SHC4: variants seen among roughly 807,000 people sequenced by gnomAD.
SHC4 encodes the protein SHC adaptor protein 4.
A neutral mutation model predicts 69.4 loss-of-function variants in SHC4; 41 were observed. That is an observed-to-expected ratio of 0.59 (90% CI 0.46 to 0.77). The LOEUF (loss-of-function observed/expected upper bound fraction) is 0.77, where lower values mean the gene tolerates loss of function less well. SHC4 is among the 30% of genes least tolerant of loss of function. SHC4 has a pLI of 0.00. For missense variants in SHC4, 777 were observed against 783.8 expected, an observed-to-expected ratio of 0.99 and a Z score of 0.10; for synonymous variants, 318 against 299.3, an observed-to-expected ratio of 1.06 and a Z score of -0.64.
At chr15:48,893,192 G>T (rs557154924) in intron 2 of SHC4, among the ~76,000 whole-genome samples, 5 of 152,230 alleles carry the variant, frequency 3.3e-5, no homozygotes, top group South Asian at 2.1e-4. Context: ...AACCTTCCTG[G>T]CAGGGAGGGG....
intron 4 of SHC4, chr15:48,877,962 A>G: frequency 3.8e-6 from 2 of 519,510 alleles, no homozygotes; most frequent in Non-Finnish European, 3.3e-6. Flanking sequence ...GTTCGAATCG[A>G]TGGAAACGTA....
At chr15:48,904,924 A>G (rs890062807) in intron 2 of SHC4, among the ~76,000 whole-genome samples, 1 of 142,110 alleles carries the variant, frequency 7.0e-6, no homozygotes, top group Non-Finnish European at 1.5e-5. Flanking sequence ...ACGCACACAC[A>G]CACACACACA....
intron 4 of SHC4, chr15:48,876,680 G>A: frequency 1.6e-6 from 1 of 617,422 alleles, no homozygotes. Flanking sequence ...GAAAGATTTA[G>A]GCTGGGAGGC....
In SHC4 at chr15:48,868,150, G is replaced by T. The variant is rs576727724; in HGVS notation, c.895-281C>A. ...AAAAGAGAAAGCAGATAGGGAACATGTTAGGACATATTCTTTAAAACTGGC... is the reference window on the plus strand; with the variant it reads ...AAAAGAGAAAGCAGATAGGGAACATTTTAGGACATATTCTTTAAAACTGGC... On this transcript the variant is annotated intron_variant, in intron 5 of 11. Coordinates refer to ENST00000332408, the MANE Select transcript of SHC4 (RefSeq NM_203349.4). Among the ~76,000 whole-genome samples, 4 of 152,316 alleles carry T rather than the reference G, an allele frequency of 2.6e-5. No homozygotes were observed. The East Asian group carries it at 5.8e-4, about 22-fold the overall frequency.
chr15:48,952,087 G>A (rs1271118317), intron 1 of SHC4, among the ~76,000 whole-genome samples: 1 of 152,140 alleles, frequency 6.6e-6, no homozygotes, highest in Non-Finnish European at 1.5e-5. Flanking sequence ...CTGAGTCCAG[G>A]GTTAAAGGAA....
At chr15:48,956,261 CAGAA>C (rs1349907494) in intron 1 of SHC4, among the ~76,000 whole-genome samples, 1 of 152,132 alleles carries the variant, frequency 6.6e-6, no homozygotes, top group African/African-American at 2.4e-5. Context: ...TTTACAAAGG[CAGAA>C]AGCCATGTTT....
At chr15:48,959,547 T>C (rs930041956) in intron 1 of SHC4, among the ~76,000 whole-genome samples, 20 of 152,306 alleles carry the variant, frequency 1.3e-4, no homozygotes, top group African/African-American at 4.8e-4. Context: ...AGGTAGAATA[T>C]GAAGTGGCTT....
chr15:48,920,780 TATA>T (rs1900738087), intron 2 of SHC4, among the ~76,000 whole-genome samples: 1 of 152,124 alleles, frequency 6.6e-6, no homozygotes, highest in South Asian at 2.1e-4. Context: ...CAGCATTACT[TATA>T]ATGATGAAAA....
rs1901582338 is a variant in SHC4 at position 48,963,480 on chromosome 15, C to T, written c.-465G>A. The T allele has an allele frequency of 6.1e-6, 1 of 164,620 alleles. No homozygotes were observed. The highest frequency in any genetic ancestry group is 2.4e-5 in the African/African-American group (1 of 41,866). The allele number at this position is 164,620 out of a possible 1,614,324, so 10.2% of individuals were successfully genotyped here. A position where few individuals can be genotyped will look rare whatever the true frequency, so the allele number is the denominator to read the frequency against. On this transcript the variant is annotated 5_prime_UTR_variant, in exon 1 of 12. Coordinates refer to ENST00000332408, the MANE Select transcript of SHC4 (RefSeq NM_203349.4). ...ACTTTCGAACCTGCTCCCTTCGGCT[C>T]TCACAGGGCGGGGCAAATGACTGGC...
At position 48,935,644 on chromosome 15, in the gene SHC4, G is replaced by C. The variant is rs1901055585; in HGVS notation, c.586-10695C>G. 2.6e-5 allele frequency among the ~76,000 whole-genome samples: 4 copies of C among 152,142 alleles called. No homozygotes were observed. The South Asian group carries it at 8.3e-4, about 32-fold the overall frequency. ...TTGAGCTGGAATGTGGGTCGTGTAA[G>C]AAGGGAATGGAAAATCCTTCCCCTT... On this transcript the variant is annotated intron_variant, in intron 1 of 11. Transcript: ENST00000332408.
chr15:48,915,611 T>C (rs1450649766), intron 2 of SHC4, among the ~76,000 whole-genome samples: 1 of 152,222 alleles, frequency 6.6e-6, no homozygotes, highest in African/African-American at 2.4e-5. Flanking sequence ...CAACTTTGGA[T>C]GCTATGTTTT....
intron 1 of SHC4, among the ~76,000 whole-genome samples, chr15:48,937,863 A>G (rs182151769): frequency 3.3e-5 from 5 of 152,310 alleles, no homozygotes; most frequent in Admixed American, 2.6e-4. Context: ...ACAACGGTGA[A>G]TTCTCCTTGA....
chr15:48,916,559 C>A (rs201009286), intron 2 of SHC4, among the ~76,000 whole-genome samples: 278 of 136,648 alleles, frequency 2.0e-3, no homozygotes, highest in South Asian at 2.6e-3. Context: ...AGCATCAGTT[C>A]AAAAAAAAAA....
intron 4 of SHC4, among the ~76,000 whole-genome samples, chr15:48,883,552 A>G (rs1437875799): frequency 1.3e-5 from 2 of 152,352 alleles, no homozygotes; most frequent in South Asian, 2.1e-4. Context: ...ACACACATAC[A>G]TAACCTGATA....
chr15:48,927,357 C>T (rs996561800), intron 1 of SHC4, among the ~76,000 whole-genome samples: 1 of 152,190 alleles, frequency 6.6e-6, no homozygotes, highest in Non-Finnish European at 1.5e-5. Flanking sequence ...CCAATACCCC[C>T]AGGAGGTCTT....
At chr15:48,864,441 T>C (rs1319271380) in intron 6 of SHC4, among the ~76,000 whole-genome samples, 4 of 123,898 alleles carry the variant, frequency 3.2e-5, no homozygotes, top group Admixed American at 8.0e-5. Context: ...ACTTTCTTTT[T>C]TTTTTTTTTT....
At chr15:48,945,350 A>G (rs1051101956) in intron 1 of SHC4, among the ~76,000 whole-genome samples, 19 of 149,594 alleles carry the variant, frequency 1.3e-4, no homozygotes, top group African/African-American at 4.1e-4. Flanking sequence ...TTGAATTCCA[A>G]TCAGTATCCA....
intron 1 of SHC4, among the ~76,000 whole-genome samples, chr15:48,931,032 C>T (rs1023943121): frequency 3.3e-5 from 5 of 152,216 alleles, no homozygotes; most frequent in East Asian, 1.9e-4. Flanking sequence ...GGTCACCTAC[C>T]GCTGTCGACC....
intron 1 of SHC4, among the ~76,000 whole-genome samples, chr15:48,951,125 C>A (rs1294084902): frequency 6.6e-6 from 1 of 152,004 alleles, no homozygotes; most frequent in African/African-American, 2.4e-5. Context: ...ACAATAACAA[C>A]AAAAATAATT....
Sources: allele counts gnomAD v4.1 joint callset (sites outside exome capture counted in the v4.1 genomes callset), GRCh38; gene constraint gnomAD v4.1.1; transcripts MANE v1.5; gene names NCBI Gene and HGNC (gene_info 2026-07-23, HGNC 2026-07-21).